Variants in MAGI1 observed in about 807,000 individuals in gnomAD.
The protein encoded by MAGI1 is membrane associated guanylate kinase, WW and PDZ domain containing 1.
Under a neutral mutation model 139.9 loss-of-function variants are expected in MAGI1, and 58 were observed. The observed-to-expected ratio is 0.41, with a 90% CI of 0.34 to 0.52. The LOEUF is 0.52. Among genes scored for constraint, MAGI1 ranks in the 20% least tolerant of loss-of-function variants. The probability of loss-of-function intolerance (pLI) is 0.12; values close to 1 mark genes in which losing one functional copy is unlikely to be tolerated. For missense variants in MAGI1, 1,874 were observed against 1,901.6 expected, an observed-to-expected ratio of 0.99 and a Z score of 0.27; for synonymous variants, 812 against 737.9, an observed-to-expected ratio of 1.10 and a Z score of -1.63.
intron 2 of MAGI1, among the ~76,000 whole-genome samples, chr3:65,590,865 C>A (rs1298669760): frequency 6.6e-6 from 1 of 152,146 alleles, no homozygotes; most frequent in African/African-American, 2.4e-5. Flanking sequence ...CCTATCAAAC[C>A]AGCAAAACTT....
At chr3:65,751,603 A>G (rs2036159610) in intron 1 of MAGI1, among the ~76,000 whole-genome samples, 1 of 152,228 alleles carries the variant, frequency 6.6e-6, no homozygotes, top group South Asian at 2.1e-4. Flanking sequence ...AGGCCTTAGG[A>G]AAGAGAGAGA....
intron 2 of MAGI1, among the ~76,000 whole-genome samples, chr3:65,604,420 C>G (rs2082635327): frequency 6.6e-6 from 1 of 151,986 alleles, no homozygotes; most frequent in African/African-American, 2.4e-5. Context: ...ACAAAAGTGC[C>G]TCAATTTATC....
chr3:65,777,194 A>G (rs1259748313), intron 1 of MAGI1, among the ~76,000 whole-genome samples: 2 of 152,210 alleles, frequency 1.3e-5, no homozygotes, highest in Non-Finnish European at 2.9e-5. Context: ...TTGAGAAGCA[A>G]ACATACAGAT....
intron 1 of MAGI1, among the ~76,000 whole-genome samples, chr3:65,809,759 G>A (rs893030486): frequency 6.6e-6 from 1 of 152,174 alleles, no homozygotes; most frequent in African/African-American, 2.4e-5. Flanking sequence ...TATTATGCAG[G>A]CAAAACAGAT....
intron 1 of MAGI1, among the ~76,000 whole-genome samples, chr3:65,994,813 C>T (rs1206447930): frequency 6.6e-6 from 1 of 152,210 alleles, no homozygotes; most frequent in Admixed American, 6.5e-5. Context: ...ACTCTCTAGG[C>T]ACATGAAGTG....
chr3:65,983,169 T>C (rs541340025), intron 1 of MAGI1, among the ~76,000 whole-genome samples: 1 of 152,274 alleles, frequency 6.6e-6, no homozygotes, highest in Non-Finnish European at 1.5e-5. Flanking sequence ...TTTCTCAGAA[T>C]AGAGGAAAAG....
intron 12 of MAGI1, among the ~76,000 whole-genome samples, chr3:65,418,789 T>C (rs1280972090): frequency 6.6e-6 from 1 of 152,172 alleles, no homozygotes; most frequent in Non-Finnish European, 1.5e-5. Flanking sequence ...CCCCAATCCC[T>C]ATCCCACCTC....
rs149956603 is a variant in MAGI1, at chr3:65,458,528, T to C, written c.960-5188A>G. Among the ~76,000 whole-genome samples, 499 of 152,282 alleles carry C rather than the reference T, an allele frequency of 3.3e-3. 2 individuals carry two copies. Among genetic ancestry groups the C allele is most frequent in the African/African-American group, 0.012 (486 of 41,556 alleles). On this transcript the variant is annotated intron_variant, in intron 5 of 22. Transcript: ENST00000402939. ...ATTTTAACTGGGGTAAGATAACTCA[T>C]TGTAGCTTTGATTTGCATTTCTCTG...
chr3:65,468,968 A>AATAAATAAATAT (rs1950371718), intron 5 of MAGI1, among the ~76,000 whole-genome samples: 1 of 150,796 alleles, frequency 6.6e-6, no homozygotes, highest in East Asian at 2.0e-4. Flanking sequence ...TAAATAAATA[A>AATAAATAAATAT]ATAAATAAAT....
intron 1 of MAGI1, among the ~76,000 whole-genome samples, chr3:65,642,190 T>A (rs1448665932): frequency 6.6e-6 from 1 of 152,114 alleles, no homozygotes; most frequent in Non-Finnish European, 1.5e-5. Context: ...TGGGTAATTA[T>A]CTCGTTGATG....
chr3:65,710,269 CTTTTTT>C lies in MAGI1; in HGVS notation c.314-88187_314-88182del, dbSNP rs1175790063. Among the ~76,000 whole-genome samples, 8 of 66,908 alleles carry C rather than the reference CTTTTTT, an allele frequency of 1.2e-4. No homozygotes were observed. In the South Asian group the frequency reaches 1.4e-3, roughly 12 times the overall value. The allele number at this position is 66,908 out of a possible 152,430, so 43.9% of individuals were successfully genotyped here. On this transcript the variant is annotated intron_variant, in intron 1 of 22. Coordinates refer to ENST00000402939, the MANE Select transcript of MAGI1 (RefSeq NM_001033057.2). ...TGAATCACTTATTAACCTTACATTT[CTTTTTT>C]TTTTTTTTTTTTTTTTTTTTTTGAG...
chr3:65,484,223 C>A (rs1331972358), intron 3 of MAGI1, among the ~76,000 whole-genome samples: 1 of 152,148 alleles, frequency 6.6e-6, no homozygotes, highest in African/African-American at 2.4e-5. Flanking sequence ...CAGAGAAAAT[C>A]ATTCCTCTTT....
rs190708154 is a variant in MAGI1 at position 65,868,247 on chromosome 3, G to A, written c.313+169749C>T. Among the ~76,000 whole-genome samples, 30 of 152,280 alleles carry A rather than the reference G, an allele frequency of 2.0e-4. No individual in the cohort carries two copies. In the East Asian group the frequency reaches 5.4e-3, roughly 28 times the overall value. ...CAAATGATCCTGCAAACTGAGGATGGATGACAGTGATCACCACTGCACAGT... is the reference window on the plus strand; with the variant it reads ...CAAATGATCCTGCAAACTGAGGATGAATGACAGTGATCACCACTGCACAGT... On this transcript the variant is annotated intron_variant, in intron 1 of 22. Coordinates refer to ENST00000402939, the MANE Select transcript of MAGI1 (RefSeq NM_001033057.2).
At chr3:66,005,369 T>C (rs2107468545) in intron 1 of MAGI1, among the ~76,000 whole-genome samples, 1 of 152,328 alleles carries the variant, frequency 6.6e-6, no homozygotes. Context: ...AAAATGATAC[T>C]ACAGGCTCTT....
At chr3:65,361,409 G>C in intron 21 of MAGI1, 72 bp from the exon 22 acceptor site, 4 of 1,492,628 alleles carry the variant, frequency 2.7e-6, no homozygotes, top group African/African-American at 1.4e-5. Context: ...TATTAAGCAC[G>C]TGGCAGAACA....
chr3:65,716,816 A>G (rs1437527958), intron 1 of MAGI1, among the ~76,000 whole-genome samples: 1 of 152,246 alleles, frequency 6.6e-6, no homozygotes, highest in African/African-American at 2.4e-5. Flanking sequence ...TATGAACTGC[A>G]GCATGATTTA....
At chr3:65,383,994 A>C (rs915979946) in intron 14 of MAGI1, among the ~76,000 whole-genome samples, 4 of 152,248 alleles carry the variant, frequency 2.6e-5, no homozygotes, top group Non-Finnish European at 4.4e-5. Context: ...GTCCATGTCC[A>C]AGAACACTCA....
intron 1 of MAGI1, among the ~76,000 whole-genome samples, chr3:65,684,974 T>C (rs1369975253): frequency 6.8e-6 from 1 of 146,748 alleles, no homozygotes; most frequent in Non-Finnish European, 1.5e-5. Flanking sequence ...AGCCTCAGCC[T>C]TCCAAACTGC....
intron 1 of MAGI1, among the ~76,000 whole-genome samples, chr3:65,888,963 A>G (rs1263450655): frequency 6.6e-6 from 1 of 152,210 alleles, no homozygotes; most frequent in Non-Finnish European, 1.5e-5. Flanking sequence ...GTATATATTT[A>G]TATATGTGTG....
Sources: allele counts gnomAD v4.1 joint callset (sites outside exome capture counted in the v4.1 genomes callset), GRCh38; gene constraint gnomAD v4.1.1; transcripts MANE v1.5; gene names NCBI Gene and HGNC (gene_info 2026-07-23, HGNC 2026-07-21).